METTL24: variants seen among roughly 807,000 people sequenced by gnomAD.
METTL24 encodes probable methyltransferase-like protein 24.
Under a neutral mutation model 32.7 loss-of-function variants are expected in METTL24, and 29 were observed. The ratio of observed to expected loss-of-function variants is 0.89; its 90% confidence interval spans 0.66 to 1.21. The LOEUF (loss-of-function observed/expected upper bound fraction) is 1.21, where lower values mean the gene tolerates loss of function less well. METTL24 is among the 50% of genes most tolerant of loss of function. The pLI, the probability that METTL24 is intolerant of heterozygous loss-of-function variation, is 0.00. For missense variants in METTL24, 439 were observed against 468.1 expected (o/e 0.94, Z 0.57); for synonymous variants, 163 against 179.5 (o/e 0.91, Z 0.73).
intron 2 of METTL24, 90 bp from the exon 3 acceptor site, chr6:110,315,571 C>T (rs1228736366): frequency 7.8e-6 from 11 of 1,410,430 alleles, no homozygotes; most frequent in Admixed American, 1.8e-5. Flanking sequence ...CCTTGAAAAC[C>T]GTAATAGGAA....
At chr6:110,277,341 G>A (rs1771065192) in intron 4 of METTL24, among the ~76,000 whole-genome samples, 1 of 152,076 alleles carries the variant, frequency 6.6e-6, no homozygotes, top group Non-Finnish European at 1.5e-5. Context: ...GAAAAGAATT[G>A]GAAAGAGCTC....
At chr6:110,294,494 C>A (rs1400631104) in intron 4 of METTL24, among the ~76,000 whole-genome samples, 5 of 151,882 alleles carry the variant, frequency 3.3e-5, no homozygotes, top group African/African-American at 4.8e-5. Flanking sequence ...GGGGGGAATA[C>A]TGCAGAAAAC....
intron 1 of METTL24, among the ~76,000 whole-genome samples, chr6:110,354,052 G>A (rs1007173730): frequency 9.2e-5 from 14 of 152,152 alleles, no homozygotes; most frequent in Non-Finnish European, 1.8e-4. Context: ...GAAGAGTCCC[G>A]ACAGAATGCT....
chr6:110,290,301 G>C (rs933324222), intron 4 of METTL24, among the ~76,000 whole-genome samples: 5 of 152,148 alleles, frequency 3.3e-5, no homozygotes, highest in Admixed American at 1.3e-4. Context: ...ACCCCAAAAA[G>C]TTCCTTTGTG....
chr6:110,301,748 T>C (rs1771520106), intron 3 of METTL24, among the ~76,000 whole-genome samples: 2 of 152,210 alleles, frequency 1.3e-5, no homozygotes, highest in Non-Finnish European at 2.9e-5. Context: ...TTAGAGTGAT[T>C]ACACAACCAA....
chr6:110,283,996 G>C (rs945070465), intron 4 of METTL24, among the ~76,000 whole-genome samples: 5 of 152,142 alleles, frequency 3.3e-5, no homozygotes, highest in Admixed American at 6.6e-5. Context: ...AATTACTTTT[G>C]TACTAACCTA....
intron 2 of METTL24, among the ~76,000 whole-genome samples, chr6:110,321,601 A>C (rs1032313723): frequency 2.0e-5 from 3 of 152,240 alleles, no homozygotes; most frequent in African/African-American, 7.2e-5. Flanking sequence ...ATTTTAATTA[A>C]GTCTGCCTAA....
chr6:110,290,267 C>T (rs914748578), intron 4 of METTL24, among the ~76,000 whole-genome samples: 4 of 152,164 alleles, frequency 2.6e-5, no homozygotes, highest in Admixed American at 2.0e-4. Context: ...CCATAACGTA[C>T]TCAAAATATA....
chr6:110,294,414 T>C (rs968769241), intron 4 of METTL24, among the ~76,000 whole-genome samples: 2 of 151,828 alleles, frequency 1.3e-5, no homozygotes. Context: ...TAAAATTTTA[T>C]AGTTAATTAT....
Position 110,245,537 on chromosome 6 carries a change from C to A in METTL24, c.*409G>T, listed in dbSNP as rs377553377. 5.9e-5 allele frequency among the ~76,000 whole-genome samples: 9 copies of A among 152,190 alleles called. No individual in the cohort carries two copies. In the East Asian group the frequency reaches 1.4e-3, roughly 23 times the overall value. On this transcript the variant is annotated 3_prime_UTR_variant, in exon 5 of 5. Coordinates refer to ENST00000338882, the MANE Select transcript of METTL24 (RefSeq NM_001123364.3). ...AAGAAAAACCTTGAAAAAGGAGGGT[C>A]AAATTCAAATTTAAAACCCTATTTT...
At chr6:110,260,845 A>C (rs983792686) in intron 4 of METTL24, among the ~76,000 whole-genome samples, 3 of 152,210 alleles carry the variant, frequency 2.0e-5, no homozygotes, top group Non-Finnish European at 4.4e-5. Context: ...TTCAACCCAG[A>C]ATTTCATATC....
intron 4 of METTL24, among the ~76,000 whole-genome samples, chr6:110,248,495 T>G (rs187982551): frequency 3.5e-4 from 53 of 152,336 alleles, no homozygotes; most frequent in African/African-American, 1.1e-3. Flanking sequence ...AAAGCCTGGG[T>G]GTCTGTAAAC....
chr6:110,275,978 G>A (rs1270911447), intron 4 of METTL24, among the ~76,000 whole-genome samples: 2 of 152,058 alleles, frequency 1.3e-5, no homozygotes, highest in Non-Finnish European at 2.9e-5. Flanking sequence ...CACCTCCTGT[G>A]CCTTCCCAGC....
At chr6:110,309,175 AG>A (rs34132414) in intron 3 of METTL24, among the ~76,000 whole-genome samples, 1 of 152,208 alleles carries the variant, frequency 6.6e-6, no homozygotes, top group Non-Finnish European at 1.5e-5. Context: ...GAGCAAAGAC[AG>A]GGAAAGTTTT....
At chr6:110,296,487 C>T (rs1477468372) in intron 4 of METTL24, among the ~76,000 whole-genome samples, 3 of 152,154 alleles carry the variant, frequency 2.0e-5, no homozygotes, top group Admixed American at 2.0e-4. Flanking sequence ...TTAGAACAGG[C>T]TTTTGATTTA....
chr6:110,249,313 A>C (rs1210795949), intron 4 of METTL24, among the ~76,000 whole-genome samples: 1 of 152,020 alleles, frequency 6.6e-6, no homozygotes, highest in Non-Finnish European at 1.5e-5. Flanking sequence ...ATGCTAATCT[A>C]TTCTAAAGAG....
chr6:110,261,383 A>G (rs78251313), intron 4 of METTL24, among the ~76,000 whole-genome samples: 2 of 152,358 alleles, frequency 1.3e-5, no homozygotes, highest in Admixed American at 1.3e-4. Context: ...CCATTACATA[A>G]TAGCAAAGGT....
chr6:110,289,179 C>A (rs151090215), intron 4 of METTL24, among the ~76,000 whole-genome samples: 1 of 152,326 alleles, frequency 6.6e-6, no homozygotes, highest in Non-Finnish European at 1.5e-5. Context: ...CAAAAACCTT[C>A]TACTGAAAAT....
At position 110,244,499 on chromosome 6, in the gene METTL24, G is replaced by A. The variant is rs889534628; in HGVS notation, c.*1447C>T. 6.6e-6 allele frequency among the ~76,000 whole-genome samples: 1 copy of A among 152,120 alleles called. No individual in the cohort carries two copies. The highest frequency in any genetic ancestry group is 1.5e-5 in the Non-Finnish European group (1 of 68,028). ...CTCACACTGCTATGAAGATATACCT[G>A]AGACTGAGTAATTTATAGAGGAAAG... On this transcript the variant is annotated 3_prime_UTR_variant, in exon 5 of 5. Transcript: ENST00000338882.
Sources: gnomAD v4.1 joint callset for allele counts (sites outside exome capture counted in the v4.1 genomes callset) on GRCh38, gnomAD v4.1.1 for gene constraint, MANE v1.5 for transcripts, NCBI Gene and HGNC (gene_info 2026-07-23, HGNC 2026-07-21) for gene names.